Variants in SULF2 observed in about 807,000 individuals in gnomAD.
SULF2 encodes sulfatase 2, also known as extracellular sulfatase Sulf-2.
In SULF2, 52 loss-of-function variants were observed where a neutral mutation model predicts 107.7. The observed-to-expected ratio is 0.48, with a 90% confidence interval of 0.39 to 0.61. SULF2 has a LOEUF of 0.61. Among genes scored for constraint, SULF2 ranks in the 20% least tolerant of loss-of-function variants. The pLI is 0.00. For missense variants in SULF2, 993 were observed against 1,177.3 expected (o/e 0.84, Z 2.29); for synonymous variants, 460 against 464.3 (o/e 0.99, Z 0.12).
At position 47,700,949 on chromosome 20, in the gene SULF2, C is replaced by T. The variant is rs77155065; in HGVS notation, c.567+1570G>A. Among the ~76,000 whole-genome samples, 757 of 152,144 alleles carry T rather than the reference C, an allele frequency of 5.0e-3. 9 individuals carry two copies. Among genetic ancestry groups the T allele is most frequent in the South Asian group, 0.049 (235 of 4,818 alleles). On this transcript the variant is annotated intron_variant, in intron 4 of 20. Transcript: ENST00000688720. ...GTGTGAGCCACTGCGCCTGGCCGGG[C>T]GCAACATCTTAACACATCCTATGTC...
chr20:47,782,253 C>G (rs2090846234), intron 1 of SULF2, among the ~76,000 whole-genome samples: 1 of 152,228 alleles, frequency 6.6e-6, no homozygotes, highest in Non-Finnish European at 1.5e-5. Context: ...GTGGCCAGCC[C>G]AGCGCTTCTT....
chr20:47,752,036 T>A (rs1362539581), intron 2 of SULF2, among the ~76,000 whole-genome samples: 2 of 152,202 alleles, frequency 1.3e-5, no homozygotes, highest in African/African-American at 4.8e-5. Flanking sequence ...CTCACCTGCA[T>A]GAGCGTGGAC....
intron 6 of SULF2, 84 bp downstream of exon 6, chr20:47,684,347 C>T: frequency 7.0e-7 from 1 of 1,418,888 alleles, no homozygotes; most frequent in Non-Finnish European, 9.3e-7. Context: ...TCCAGGAAAA[C>T]CCTGAAGGGC....
In SULF2 at chr20:47,659,469, C is replaced by T. The variant is rs200206968; in HGVS notation, c.2529-17G>A. ...TGAAACTGCCTAAGTTTTCAAGTGT[C>T]AAAGGAGAATGAATGTTAACCATCA... is the stretch of plus-strand genomic sequence containing the variant. On this transcript the variant is annotated splice_polypyrimidine_tract_variant and intron_variant, in intron 19 of 20. Coordinates refer to ENST00000688720, the MANE Select transcript of SULF2 (RefSeq NM_001387048.1). The T allele has an allele frequency of 1.8e-5, 29 of 1,613,360 alleles. No individual in the cohort carries two copies. In the African/African-American group the frequency reaches 2.0e-4, roughly 11 times the overall value.
At chr20:47,683,203 G>A (rs562210312) in intron 6 of SULF2, 34 bp from the exon 7 acceptor site, 1 of 1,541,446 alleles carries the variant, frequency 6.5e-7, no homozygotes, top group Non-Finnish European at 8.8e-7. Context: ...GGGACAGTGG[G>A]GACTGGGTGC....
chr20:47,707,524 G>A (rs562381016), intron 3 of SULF2, among the ~76,000 whole-genome samples: 7 of 152,208 alleles, frequency 4.6e-5, no homozygotes, highest in African/African-American at 1.7e-4. Context: ...TCCCTCCCAG[G>A]TGGAGAGCTT....
chr20:47,750,106 C>A (rs896353883), intron 2 of SULF2, among the ~76,000 whole-genome samples: 1 of 152,206 alleles, frequency 6.6e-6, no homozygotes, highest in East Asian at 1.9e-4. Context: ...CTCAGCCTCC[C>A]GAGTAGCTGG....
At chr20:47,692,616 C>G (rs555749289) in intron 4 of SULF2, among the ~76,000 whole-genome samples, 4 of 152,052 alleles carry the variant, frequency 2.6e-5, no homozygotes, top group Non-Finnish European at 5.9e-5. Context: ...GACAGGGTCT[C>G]TACAGACAGA....
At chr20:47,774,952 C>T (rs2090698380) in intron 1 of SULF2, among the ~76,000 whole-genome samples, 1 of 152,218 alleles carries the variant, frequency 6.6e-6, no homozygotes, top group Admixed American at 6.5e-5. Context: ...CTAGTAACTC[C>T]TGCGCCAAGG....
At chr20:47,682,567 C>T (rs2087861021) in intron 7 of SULF2, among the ~76,000 whole-genome samples, 1 of 152,206 alleles carries the variant, frequency 6.6e-6, no homozygotes, top group Non-Finnish European at 1.5e-5. Flanking sequence ...GAGCATTTCC[C>T]TTTGTGCTGC....
intron 3 of SULF2, among the ~76,000 whole-genome samples, chr20:47,713,274 AC>A (rs2088995044): frequency 6.6e-6 from 1 of 152,128 alleles, no homozygotes. Context: ...GGAATGTGCT[AC>A]AGGCATCTAT....
Position 47,663,194 on chromosome 20 carries a change from C to T in SULF2, c.2246G>A (p.Cys749Tyr), listed in dbSNP as rs1380874768. ...PFWTLGPFCA[C>Y]TSANNNTYWC... is the part of the protein sequence containing the mutation. ...GTACGTGTTATTGTTGGCGCTGGTGCAGGCACAGAAAGGCCCCACTGCCAA... is the reference window on the plus strand; with the variant it reads ...GTACGTGTTATTGTTGGCGCTGGTGTAGGCACAGAAAGGCCCCACTGCCAA... Residue 749 changes from cysteine (C) to tyrosine (Y), a missense_variant, in exon 17 of 21, where the codon TGC becomes TAC. Physicochemically the swap from Cys to Tyr is radical, Grantham distance 194. Transcript: ENST00000688720. 6.2e-7 allele frequency: 1 copy of T among 1,614,156 alleles called. No homozygotes were observed. The highest frequency in any genetic ancestry group is 1.1e-5 in the South Asian group (1 of 91,084).
chr20:47,667,955 C>T (rs2087332818), intron 11 of SULF2, among the ~76,000 whole-genome samples: 1 of 152,242 alleles, frequency 6.6e-6, no homozygotes. Flanking sequence ...GCCGAAGGAT[C>T]CTGAGGGGCC....
chr20:47,757,373 TTGC>T lies in SULF2; in HGVS notation c.-13_-11del, dbSNP rs1347063509. The stretch of plus-strand genomic sequence containing the variant: ...GGCTCGGGGGGCCCATCTTCTTTTT[TTGC>T]TGATCTGGTGCTTCTTTTGGGATGC... On this transcript the variant is annotated 5_prime_UTR_variant, in exon 2 of 21. Coordinates refer to ENST00000688720, the MANE Select transcript of SULF2 (RefSeq NM_001387048.1). 1 of 1,575,798 alleles carries T rather than the reference TTGC, an allele frequency of 6.3e-7. No homozygotes were observed. The highest frequency in any genetic ancestry group is 1.3e-5 in the African/African-American group (1 of 74,144).
At chr20:47,665,357 G>C in intron 13 of SULF2, 64 bp from the exon 14 acceptor site, 1 of 1,085,766 alleles carries the variant, frequency 9.2e-7, no homozygotes, top group Non-Finnish European at 1.4e-6. Flanking sequence ...GACTTGGCCT[G>C]GTGACTGCCC....
chr20:47,660,083 G>C (rs1016625633), intron 18 of SULF2, among the ~76,000 whole-genome samples: 1 of 152,232 alleles, frequency 6.6e-6, no homozygotes, highest in Non-Finnish European at 1.5e-5. Context: ...AAGTGCAGGA[G>C]GGAGTTCCCC....
chr20:47,750,501 G>C (rs1390424836), intron 2 of SULF2, among the ~76,000 whole-genome samples: 1 of 152,142 alleles, frequency 6.6e-6, no homozygotes, highest in Non-Finnish European at 1.5e-5. Flanking sequence ...CATTGCAATA[G>C]ACTCCTCATT....
At chr20:47,662,808 T>C (rs772645039) in intron 17 of SULF2, among the ~76,000 whole-genome samples, 1 of 125,604 alleles carries the variant, frequency 8.0e-6, no homozygotes, top group South Asian at 2.3e-4. Context: ...CCTGGTTGCA[T>C]GCTGCATGTT....
At chr20:47,685,955 C>A (rs1047293915) in intron 5 of SULF2, 1 of 152,184 alleles carries the variant, frequency 6.6e-6, no homozygotes, top group Non-Finnish European at 1.5e-5. Flanking sequence ...GGGGTTCGAG[C>A]CCCAGTTCTG....
Sources: gnomAD v4.1 joint callset for allele counts (sites outside exome capture counted in the v4.1 genomes callset) on GRCh38, gnomAD v4.1.1 for gene constraint, MANE v1.5 for transcripts, NCBI Gene and HGNC (gene_info 2026-07-23, HGNC 2026-07-21) for gene names.